Variants in ARID4A observed in about 807,000 individuals in gnomAD.
ARID4A encodes the protein AT-rich interactive domain-containing protein 4A.
A neutral mutation model predicts 148.6 loss-of-function variants in ARID4A; 39 were observed. The ratio of observed to expected loss-of-function variants is 0.26; its 90% CI spans 0.20 to 0.34. ARID4A has a LOEUF of 0.34. Ranked by LOEUF, ARID4A falls within the 10% of genes least tolerant of loss-of-function variation. The pLI, the probability that ARID4A is intolerant of heterozygous loss-of-function variation, is 1.00. For synonymous variants in ARID4A, 475 were observed against 481.2 expected, an observed-to-expected ratio of 0.99 and a Z score of 0.17; for missense variants, 1,265 against 1,449.1, an observed-to-expected ratio of 0.87 and a Z score of 2.06.
chr14:58,320,678 G>A (rs1265840238), intron 7 of ARID4A, among the ~76,000 whole-genome samples: 1 of 150,456 alleles, frequency 6.6e-6, no homozygotes, highest in African/African-American at 2.4e-5. Context: ...CTGGATCTCG[G>A]CTCACTGCAA....
Position 58,364,435 on chromosome 14 carries a change from TAAG to T in ARID4A, c.2349_2351del (p.Lys784del), listed in dbSNP as rs1353898019. The T allele has an allele frequency of 8.1e-6, 13 of 1,613,090 alleles. No homozygotes were observed. Among genetic ancestry groups the T allele is most frequent in the African/African-American group, 1.3e-5 (1 of 74,950 alleles). On this transcript the variant is annotated inframe_deletion, in exon 20 of 24. Transcript: ENST00000355431. ...ACAAAATGGAAAAAACAGAAGAAGT[TAAG>T]AAAGAAGCCGAAAAATCTCCAAAAG... is the stretch of plus-strand genomic sequence containing the variant.
rs1335885003 is a variant in ARID4A at position 58,360,964 on chromosome 14, C to T, written c.2002C>T (p.Arg668Ter). The T allele has an allele frequency of 6.2e-7, 1 of 1,614,038 alleles. No individual in the cohort carries two copies. ...GGAGAGGCAGAAGTCAAAACGGGGACGACCTCCTTTAAAATCAACCCTCTC... is the reference window on the plus strand; with the variant it reads ...GGAGAGGCAGAAGTCAAAACGGGGATGACCTCCTTTAAAATCAACCCTCTC... ...DEERQKSKRG[R>*]PPLKSTLSSN... Residue 668 changes from arginine (R) to a stop codon, truncating the protein, a stop_gained, in exon 19 of 24, where the codon CGA (arginine) becomes TGA (stop). Coordinates refer to ENST00000355431, the MANE Select transcript of ARID4A (RefSeq NM_002892.4). LOFTEE classifies it high-confidence loss of function.
chr14:58,323,755 TAGTC>T (rs1566683407), intron 8 of ARID4A, 138 bp downstream of exon 8: 4 of 698,120 alleles, frequency 5.7e-6, no homozygotes, highest in South Asian at 3.9e-5. Flanking sequence ...TGAATAATCA[TAGTC>T]AGGTCCATAA....
chr14:58,358,044 A>T (rs1454990983), intron 17 of ARID4A, among the ~76,000 whole-genome samples: 1 of 152,112 alleles, frequency 6.6e-6, no homozygotes, highest in African/African-American at 2.4e-5. Flanking sequence ...TCTATAAAAA[A>T]TACAAAAATT....
intron 21 of ARID4A, among the ~76,000 whole-genome samples, 183 bp from the exon 22 acceptor site, chr14:58,365,841 A>G (rs1295584060): frequency 7.9e-5 from 12 of 151,720 alleles, no homozygotes; most frequent in Non-Finnish European, 1.5e-5. Context: ...ATTTTTAACC[A>G]TTTCCCCGTT....
At chr14:58,367,268 C>G (rs966871967) in intron 23 of ARID4A, among the ~76,000 whole-genome samples, 6 of 152,200 alleles carry the variant, frequency 3.9e-5, no homozygotes, top group African/African-American at 1.4e-4. Context: ...GTGATGGATT[C>G]TCAGGTAGAG....
chr14:58,331,044 C>T (rs959563460), intron 11 of ARID4A, among the ~76,000 whole-genome samples: 1 of 152,170 alleles, frequency 6.6e-6, no homozygotes, highest in Admixed American at 6.6e-5. Context: ...ATTCTTGTTT[C>T]TGTTTTAAAT....
At position 58,364,348 on chromosome 14, in the gene ARID4A, G is replaced by A. The variant is rs2035259983; in HGVS notation, c.2259G>A (p.Gln753=). Residue 753 remains glutamine, a synonymous_variant, in exon 20 of 24, where the codon CAG becomes CAA. Coordinates refer to ENST00000355431, the MANE Select transcript of ARID4A (RefSeq NM_002892.4). ...AAGAAAATGATAGGACTCAAATGCA[G>A]CCTTTAGAAACCCTGAAGTTAGAAG... ...ILKENDRTQM[Q]PLETLKLEVG... The A allele has an allele frequency of 6.3e-7, 1 of 1,588,578 alleles. No homozygotes were observed. Among genetic ancestry groups the A allele is most frequent in the Admixed American group, 1.9e-5 (1 of 52,866 alleles).
At chr14:58,346,329 AT>A in intron 12 of ARID4A, 81 bp from the exon 13 acceptor site, 2 of 952,040 alleles carry the variant, frequency 2.1e-6, no homozygotes, top group Non-Finnish European at 3.2e-6. Flanking sequence ...AATTGGGGAA[AT>A]TAGAAATTGA....
Position 58,306,042 on chromosome 14 carries a change from A to G in ARID4A, c.204A>G (p.Thr68=). Residue 68 remains threonine, a synonymous_variant, in exon 5 of 24, where the codon ACA becomes ACG. Coordinates refer to ENST00000355431, the MANE Select transcript of ARID4A (RefSeq NM_002892.4). ...GPLRVGAIVE[T]RTSDGSFQEA... is the part of the protein sequence containing the mutation. ...TTTAGGTTGGAGCTATTGTTGAAAC[A>G]AGGACATCTGATGGATCTTTTCAGG... The G allele has an allele frequency of 6.2e-7, 1 of 1,613,724 alleles. No individual in the cohort carries two copies. The highest frequency in any genetic ancestry group is 1.7e-5 in the Admixed American group (1 of 60,010).
At chr14:58,311,652 A>G (rs2140147233) in intron 5 of ARID4A, among the ~76,000 whole-genome samples, 1 of 152,216 alleles carries the variant, frequency 6.6e-6, no homozygotes, top group East Asian at 1.9e-4. Flanking sequence ...TTATTGCAGC[A>G]CTATTCACAA....
chr14:58,359,108 T>A, intron 17 of ARID4A, 24 bp from the exon 18 acceptor site: 1 of 170,876 alleles, frequency 5.9e-6, no homozygotes. Context: ...GTACAAACTC[T>A]TTTTTTTTTT....
At chr14:58,307,641 G>T (rs1370943674) in intron 5 of ARID4A, among the ~76,000 whole-genome samples, 1 of 152,166 alleles carries the variant, frequency 6.6e-6, no homozygotes, top group South Asian at 2.1e-4. Context: ...CCAACATGGC[G>T]AAACCTTGTC....
rs1410625828 is a variant in ARID4A, at chr14:58,358,704, CTTG to C, written c.1854-427_1854-425del. 3.9e-5 allele frequency among the ~76,000 whole-genome samples: 6 copies of C among 152,222 alleles called. No individual in the cohort carries two copies. The East Asian group carries it at 9.6e-4, about 24-fold the overall frequency. On this transcript the variant is annotated intron_variant, in intron 17 of 23. Transcript: ENST00000355431. ...AGTTGAAATGGACTTGATAAAATAA[CTTG>C]ATAAAATAACCTGAAACTGATCACC...
chr14:58,317,826 T>C (rs533092848), intron 5 of ARID4A, among the ~76,000 whole-genome samples: 2 of 152,016 alleles, frequency 1.3e-5, no homozygotes, highest in South Asian at 4.2e-4. Flanking sequence ...TGTTTCCTTA[T>C]TTCAACCTTT....
In ARID4A at chr14:58,304,970, A is replaced by C. The variant is rs754063446; in HGVS notation, c.144A>C (p.Thr48=). ...TACTCCTGAAACAGGATAATACCAC[A>C]CAATTGGTACAAGATGACCAAGTAA... is the stretch of plus-strand genomic sequence containing the variant. The part of the protein sequence containing the change: ...VKVLLKQDNT[T]QLVQDDQVKG... The change falls in exon 4 of 24, where the codon ACA becomes ACC. Residue 48 remains threonine (T), a synonymous_variant. Coordinates refer to ENST00000355431, the MANE Select transcript of ARID4A (RefSeq NM_002892.4). The C allele has an allele frequency of 1.9e-6, 3 of 1,608,282 alleles. No homozygotes were observed. The highest frequency in any genetic ancestry group is 2.5e-6 in the Non-Finnish European group (3 of 1,178,056).
chr14:58,306,202 G>C (rs2031585781), intron 5 of ARID4A, 90 bp downstream of exon 5: 1 of 917,288 alleles, frequency 1.1e-6, no homozygotes, highest in Non-Finnish European at 1.8e-6. Flanking sequence ...TGTTGGTGGA[G>C]AAATATATAT....
chr14:58,326,659 C>T lies in ARID4A; in HGVS notation c.583-1578C>T, dbSNP rs565580581. On this transcript the variant is annotated intron_variant, in intron 8 of 23. Transcript: ENST00000355431. ...GTTATTTGAGCTACATGTTTAGGAA[C>T]GTGAATGAAGAATGGCGTGTTACTA... Among the ~76,000 whole-genome samples the T allele has an allele frequency of 4.6e-5, 7 of 152,164 alleles. No homozygotes were observed. In the East Asian group the frequency reaches 5.8e-4, roughly 13 times the overall value.
intron 5 of ARID4A, among the ~76,000 whole-genome samples, chr14:58,315,072 T>C (rs2032318273): frequency 6.6e-6 from 1 of 152,152 alleles, no homozygotes; most frequent in Admixed American, 6.5e-5. Flanking sequence ...TGAGCCAAGA[T>C]CATGCCACTA....
Sources: allele counts gnomAD v4.1 joint callset (sites outside exome capture counted in the v4.1 genomes callset), GRCh38; gene constraint gnomAD v4.1.1; transcripts MANE v1.5; gene names NCBI Gene and HGNC (gene_info 2026-07-23, HGNC 2026-07-21).